The following ACTR3 variants were observed in gnomAD, a reference collection of about 807,000 sequenced individuals.
ACTR3 encodes actin-related protein 3.
In ACTR3, 12 loss-of-function variants were observed where a neutral mutation model predicts 56.8. That is an observed-to-expected ratio of 0.21 (90% CI 0.14 to 0.34). The LOEUF (loss-of-function observed/expected upper bound fraction) is 0.34, where lower values mean the gene tolerates loss of function less well. Ranked by LOEUF, ACTR3 falls within the 10% of genes least tolerant of loss-of-function variation. The probability of loss-of-function intolerance (pLI) is 1.00; values close to 1 mark genes in which losing one functional copy is unlikely to be tolerated. For missense variants in ACTR3, 282 were observed against 512.5 expected (o/e 0.55, Z 4.34); for synonymous variants, 162 against 167.4 (o/e 0.97, Z 0.25).
At chr2:113,916,812 G>A in intron 2 of ACTR3, 72 bp from the exon 3 acceptor site, 1 of 1,345,398 alleles carries the variant, frequency 7.4e-7, no homozygotes, top group Non-Finnish European at 1.0e-6. Flanking sequence ...TTTGTAATGG[G>A]AGAAGTGTAA....
Position 113,930,923 on chromosome 2 carries a change from A to G in ACTR3, c.337-378A>G, listed in dbSNP as rs947938873. Among the ~76,000 whole-genome samples, 5 of 152,306 alleles carry G rather than the reference A, an allele frequency of 3.3e-5. No individual in the cohort carries two copies. The East Asian group carries it at 5.8e-4, about 18-fold the overall frequency. The stretch of plus-strand genomic sequence containing the variant: ...TTAGATGAGGGCTCTCCCACTGGCA[A>G]ATACCATTGATGTTTTTTCTGGAGG... On this transcript the variant is annotated intron_variant, in intron 4 of 11. Coordinates refer to ENST00000263238, the MANE Select transcript of ACTR3 (RefSeq NM_005721.5).
intron 7 of ACTR3, among the ~76,000 whole-genome samples, chr2:113,941,468 T>C (rs1414128010): frequency 6.6e-6 from 1 of 152,200 alleles, no homozygotes; most frequent in Non-Finnish European, 1.5e-5. Flanking sequence ...TTTCTCTTTG[T>C]GTATTTTGAT....
At chr2:113,955,890 G>A (rs1048030958) in intron 11 of ACTR3, among the ~76,000 whole-genome samples, 184 bp downstream of exon 11, 2 of 152,094 alleles carry the variant, frequency 1.3e-5, no homozygotes, top group African/African-American at 4.8e-5. Flanking sequence ...TGGGACTACA[G>A]GCATGCGTCA....
At chr2:113,916,323 G>A (rs1242053771) in intron 2 of ACTR3, among the ~76,000 whole-genome samples, 4 of 152,090 alleles carry the variant, frequency 2.6e-5, no homozygotes, top group Non-Finnish European at 5.9e-5. Context: ...TAAGGATATT[G>A]TTGTGGGTTT....
In ACTR3 at chr2:113,961,312, A is replaced by G. The variant is rs762653978; in HGVS notation, c.*3857A>G. 1.3e-5 allele frequency: 2 copies of G among 152,104 alleles called. No individual in the cohort carries two copies. The highest frequency in any genetic ancestry group is 2.4e-5 in the African/African-American group (1 of 41,548). The allele number at this position is 152,104 out of a possible 1,614,324, so 9.4% of individuals were successfully genotyped here. A position where few individuals can be genotyped will look rare whatever the true frequency, so the allele number is the denominator to read the frequency against. The stretch of plus-strand genomic sequence containing the variant: ...TGGAGCTTGGGTGCTGAAATTAAAT[A>G]TAACCTATTTGAGTTAAGGATTTAT... On this transcript the variant is annotated 3_prime_UTR_variant, in exon 12 of 12. Coordinates refer to ENST00000263238, the MANE Select transcript of ACTR3 (RefSeq NM_005721.5).
chr2:113,912,143 T>C (rs1381803062), intron 1 of ACTR3, among the ~76,000 whole-genome samples: 1 of 152,076 alleles, frequency 6.6e-6, no homozygotes, highest in Non-Finnish European at 1.5e-5. Flanking sequence ...CCCAAAGTGC[T>C]AGTGTTACAG....
At position 113,927,461 on chromosome 2, in the gene ACTR3, T is replaced by C; in HGVS notation, c.336+6T>C. ...AAGACCATTATTTTCTTTTGGTAAG[T>C]TACAAGTTATAATTTCACTGAGGAA... On this transcript the variant is annotated splice_donor_region_variant and intron_variant, in intron 4 of 11. Coordinates refer to ENST00000263238, the MANE Select transcript of ACTR3 (RefSeq NM_005721.5). The C allele has an allele frequency of 6.4e-7, 1 of 1,566,064 alleles. No homozygotes were observed. The highest frequency in any genetic ancestry group is 8.7e-7 in the Non-Finnish European group (1 of 1,152,620).
chr2:113,915,491 C>T (rs1005731930), intron 2 of ACTR3, among the ~76,000 whole-genome samples: 4 of 152,128 alleles, frequency 2.6e-5, no homozygotes, highest in Admixed American at 6.5e-5. Context: ...GAGGTACTGG[C>T]GGTTAGGACT....
chr2:113,955,993 C>T (rs1680204897), intron 11 of ACTR3, among the ~76,000 whole-genome samples: 2 of 152,108 alleles, frequency 1.3e-5, no homozygotes, highest in South Asian at 4.2e-4. Context: ...GATCTGCCCA[C>T]CTTGGCCTCC....
At chr2:113,947,964 T>C (rs1184339259) in intron 8 of ACTR3, among the ~76,000 whole-genome samples, 1 of 152,172 alleles carries the variant, frequency 6.6e-6, no homozygotes, top group East Asian at 1.9e-4. Flanking sequence ...ATCAGTTATA[T>C]ATATGCACAT....
At chr2:113,924,837 C>A (rs146553474) in intron 3 of ACTR3, among the ~76,000 whole-genome samples, 1 of 152,052 alleles carries the variant, frequency 6.6e-6, no homozygotes, top group Non-Finnish European at 1.5e-5. Context: ...ATGACCTCCT[C>A]AGCGAAACCT....
Position 113,927,832 on chromosome 2 carries a change from A to G in ACTR3, c.336+377A>G, listed in dbSNP as rs147338165. 2.0e-5 allele frequency among the ~76,000 whole-genome samples: 3 copies of G among 152,268 alleles called. No individual in the cohort carries two copies. In the East Asian group the frequency reaches 5.8e-4, roughly 29 times the overall value. ...ACAATATAATCTAACTTTTTATTAA[A>G]CATCTTTTTATTAAAGCAGTGCATG... On this transcript the variant is annotated intron_variant, in intron 4 of 11. Coordinates refer to ENST00000263238, the MANE Select transcript of ACTR3 (RefSeq NM_005721.5).
intron 1 of ACTR3, among the ~76,000 whole-genome samples, chr2:113,908,251 GT>G (rs200328609): frequency 0.069 from 9,489 of 136,618 alleles, 565 homozygotes; most frequent in East Asian, 0.35. Flanking sequence ...GCTGTTAGCA[GT>G]TTTTTTTTTT....
intron 1 of ACTR3, chr2:113,890,535 C>A: frequency 4.4e-6 from 6 of 1,370,692 alleles, no homozygotes; most frequent in African/African-American, 1.5e-5. Context: ...GGCGCGGGCC[C>A]GAGATTCAAC....
intron 3 of ACTR3, among the ~76,000 whole-genome samples, chr2:113,918,985 A>G (rs1039029775): frequency 6.6e-6 from 1 of 152,196 alleles, no homozygotes; most frequent in Non-Finnish European, 1.5e-5. Flanking sequence ...AAAACTTCAC[A>G]TGTCAAAGAA....
chr2:113,929,042 G>T (rs1679671031), intron 4 of ACTR3, among the ~76,000 whole-genome samples: 1 of 151,860 alleles, frequency 6.6e-6, no homozygotes, highest in Non-Finnish European at 1.5e-5. Flanking sequence ...CTGGTGATTT[G>T]TTGCTTTTTG....
chr2:113,927,932 C>T (rs1322923456), intron 4 of ACTR3, among the ~76,000 whole-genome samples: 1 of 152,142 alleles, frequency 6.6e-6, no homozygotes, highest in East Asian at 1.9e-4. Flanking sequence ...TTACCTCTCC[C>T]AACCTTTGGT....
intron 7 of ACTR3, among the ~76,000 whole-genome samples, chr2:113,941,525 G>A (rs1679924782): frequency 1.3e-5 from 2 of 151,976 alleles, no homozygotes; most frequent in Admixed American, 1.3e-4. Context: ...CCTGTGATGT[G>A]TAAAAATACT....
Position 113,956,311 on chromosome 2 carries a change from A to G in ACTR3, c.1161+605A>G, listed in dbSNP as rs1680212817. Among the ~76,000 whole-genome samples the G allele has an allele frequency of 2.0e-5, 3 of 151,760 alleles. No homozygotes were observed. The South Asian group carries it at 6.2e-4, about 31-fold the overall frequency. ...CTCAAAATAATAGGAAACTTTGTAT[A>G]TATGTGTTTGTAGTATTTTAAAAAT... On this transcript the variant is annotated intron_variant, in intron 11 of 11. Transcript: ENST00000263238.
Sources: allele counts gnomAD v4.1 joint callset (sites outside exome capture counted in the v4.1 genomes callset), GRCh38; gene constraint gnomAD v4.1.1; transcripts MANE v1.5; gene names NCBI Gene and HGNC (gene_info 2026-07-23, HGNC 2026-07-21).